CLEC16A: variants seen among roughly 807,000 people sequenced by gnomAD.
CLEC16A encodes the protein C-type lectin domain containing 16A.
In CLEC16A, 51 loss-of-function variants were observed where a neutral mutation model predicts 109.5. That is an observed-to-expected ratio of 0.47 (90% CI 0.37 to 0.59). The LOEUF (loss-of-function observed/expected upper bound fraction) is 0.59, where lower values mean the gene tolerates loss of function less well. CLEC16A is among the 20% of genes least tolerant of loss of function. The probability of loss-of-function intolerance (pLI) is 0.00; values close to 1 mark genes in which losing one functional copy is unlikely to be tolerated. For synonymous variants in CLEC16A, 673 were observed against 564.2 expected (o/e 1.19, Z -2.73); for missense variants, 1,339 against 1,394.0 (o/e 0.96, Z 0.63).
At chr16:11,087,569 G>C (rs1357413175) in intron 19 of CLEC16A, among the ~76,000 whole-genome samples, 1 of 152,244 alleles carries the variant, frequency 6.6e-6, no homozygotes, top group Non-Finnish European at 1.5e-5. Context: ...CCCTGTGTTT[G>C]AGTAAAAGTA....
chr16:10,947,166 A>T (rs925586777), intron 1 of CLEC16A, among the ~76,000 whole-genome samples: 1 of 152,180 alleles, frequency 6.6e-6, no homozygotes, highest in South Asian at 2.1e-4. Flanking sequence ...CTTAATCCAT[A>T]TTACAGCCCC....
intron 3 of CLEC16A, among the ~76,000 whole-genome samples, chr16:10,964,784 A>G (rs2042421446): frequency 6.6e-6 from 1 of 152,234 alleles, no homozygotes; most frequent in Non-Finnish European, 1.5e-5. Context: ...TTTAATATAT[A>G]CATATACACA....
chr16:11,105,976 T>G (rs187643675), intron 19 of CLEC16A, among the ~76,000 whole-genome samples: 1 of 152,198 alleles, frequency 6.6e-6, no homozygotes, highest in African/African-American at 2.4e-5. Context: ...CCAAACTCTT[T>G]CCATTCAAAT....
At chr16:11,152,155 G>A (rs1019138977) in intron 22 of CLEC16A, among the ~76,000 whole-genome samples, 1 of 152,232 alleles carries the variant, frequency 6.6e-6, no homozygotes, top group African/African-American at 2.4e-5. Context: ...AATTTAGCCT[G>A]CATTTCAGGG....
At position 10,977,463 on chromosome 16, in the gene CLEC16A, A is replaced by G. The variant is rs1453170890; in HGVS notation, c.903+64A>G. ...TCAGAAGTGGGGAAGAACAGTCCCC[A>G]GTCCCCTGGAATGGGGCTGAGCATT... On this transcript the variant is annotated intron_variant, in intron 8 of 23. Transcript: ENST00000409790. The G allele has an allele frequency of 6.2e-6, 9 of 1,453,046 alleles. No homozygotes were observed. In the African/African-American group the frequency reaches 1.3e-4, roughly 20 times the overall value. 90.0% of individuals were successfully genotyped at this position (1,453,046 alleles called of 1,614,324 possible). A position where few individuals can be genotyped will look rare whatever the true frequency, so the allele number is the denominator to read the frequency against.
chr16:10,969,624 C>T (rs749094070), intron 4 of CLEC16A, among the ~76,000 whole-genome samples: 3 of 152,188 alleles, frequency 2.0e-5, no homozygotes, highest in Non-Finnish European at 4.4e-5. Flanking sequence ...GTTAGGATTA[C>T]AGGCATGAGC....
intron 22 of CLEC16A, chr16:11,156,765 G>T: frequency 2.2e-6 from 2 of 899,694 alleles, no homozygotes; most frequent in Non-Finnish European, 3.2e-6. Flanking sequence ...GCGACCTTCA[G>T]TTCTAGAAAT....
chr16:11,048,903 A>G (rs1016404342), intron 17 of CLEC16A, among the ~76,000 whole-genome samples: 1 of 151,512 alleles, frequency 6.6e-6, no homozygotes, highest in Non-Finnish European at 1.5e-5. Flanking sequence ...TCAGGCTTCT[A>G]TGGCACTTGA....
intron 19 of CLEC16A, among the ~76,000 whole-genome samples, chr16:11,118,717 C>A (rs1013687277): frequency 1.3e-5 from 2 of 152,150 alleles, no homozygotes; most frequent in Non-Finnish European, 2.9e-5. Context: ...TTGCATAGAC[C>A]AATGTCCAGA....
intron 19 of CLEC16A, among the ~76,000 whole-genome samples, chr16:11,103,190 C>G (rs983000541): frequency 6.6e-6 from 1 of 152,248 alleles, no homozygotes; most frequent in Non-Finnish European, 1.5e-5. Context: ...CAAGAATATG[C>G]TGGGGAGGAG....
intron 19 of CLEC16A, among the ~76,000 whole-genome samples, chr16:11,067,353 CG>C (rs1332052594): frequency 1.2e-4 from 7 of 59,986 alleles, no homozygotes; most frequent in Non-Finnish European, 2.1e-4. Context: ...GAGCAGGTGA[CG>C]GGGTTTAACC....
chr16:11,149,807 A>C (rs148269753), intron 22 of CLEC16A: 15 of 151,834 alleles, frequency 9.9e-5, no homozygotes, highest in African/African-American at 3.2e-4. Context: ...AAAAAATTGC[A>C]ACATTGCAGG....
intron 9 of CLEC16A, 107 bp downstream of exon 9, chr16:10,979,489 C>G (rs539185353): frequency 5.2e-6 from 5 of 970,208 alleles, no homozygotes; most frequent in East Asian, 2.7e-5. Flanking sequence ...CTCTGTCCCC[C>G]CCATGCTGGA....
At chr16:10,980,378 C>A (rs2043254585) in intron 9 of CLEC16A, among the ~76,000 whole-genome samples, 1 of 152,072 alleles carries the variant, frequency 6.6e-6, no homozygotes, top group Non-Finnish European at 1.5e-5. Context: ...CCCAGCCTCT[C>A]CTGGCAGCTT....
intron 16 of CLEC16A, among the ~76,000 whole-genome samples, chr16:11,046,353 G>C (rs892816241): frequency 6.6e-6 from 1 of 152,024 alleles, no homozygotes; most frequent in African/African-American, 2.4e-5. Flanking sequence ...GATGTTTTCA[G>C]GAATTGTCTT....
chr16:10,992,568 G>T (rs1027960288), intron 10 of CLEC16A, among the ~76,000 whole-genome samples: 5 of 96,786 alleles, frequency 5.2e-5, no homozygotes, highest in African/African-American at 1.1e-4. Context: ...AACATTAAAT[G>T]GTTTTATTCA....
intron 22 of CLEC16A, among the ~76,000 whole-genome samples, chr16:11,157,610 C>T (rs556816019): frequency 2.0e-5 from 3 of 152,230 alleles, no homozygotes; most frequent in African/African-American, 4.8e-5. Flanking sequence ...GGAGTCACTG[C>T]TATCTGAACC....
chr16:11,134,732 G>A (rs192339638), intron 22 of CLEC16A, among the ~76,000 whole-genome samples: 1 of 152,222 alleles, frequency 6.6e-6, no homozygotes, highest in Non-Finnish European at 1.5e-5. Flanking sequence ...TTGGATTTTG[G>A]ATTTTCAGAT....
At chr16:11,015,290 C>T (rs149312559) in intron 11 of CLEC16A, among the ~76,000 whole-genome samples, 62 of 151,712 alleles carry the variant, frequency 4.1e-4, no homozygotes, top group Non-Finnish European at 5.3e-4. Flanking sequence ...TGTGGAGAGG[C>T]CCATGTGGGT....
Sources: gnomAD v4.1 joint callset for allele counts (sites outside exome capture counted in the v4.1 genomes callset) on GRCh38, gnomAD v4.1.1 for gene constraint, MANE v1.5 for transcripts, NCBI Gene and HGNC (gene_info 2026-07-23, HGNC 2026-07-21) for gene names.